The following ERCC8 variants were observed in gnomAD, a reference collection of about 807,000 sequenced individuals.
ERCC8 encodes DNA excision repair protein ERCC-8.
ERCC8 carries 52 observed loss-of-function variants against 54.9 expected under a neutral mutation model. The ratio of observed to expected loss-of-function variants is 0.95; its 90% CI spans 0.76 to 1.19. The LOEUF is 1.19. ERCC8 is among the 50% of genes most tolerant of loss of function. ERCC8 has a pLI of 0.00. For synonymous variants in ERCC8, 146 were observed against 157.2 expected (o/e 0.93, Z 0.53); for missense variants, 514 against 466.1 (o/e 1.10, Z -0.95).
chr5:60,884,276 G>A (rs925364834), intron 11 of ERCC8, among the ~76,000 whole-genome samples: 2 of 151,828 alleles, frequency 1.3e-5, no homozygotes, highest in South Asian at 4.2e-4. Context: ...TCAGGAGATC[G>A]AGACCATCCT....
intron 4 of ERCC8, among the ~76,000 whole-genome samples, chr5:60,905,889 G>A (rs932171836): frequency 3.9e-5 from 6 of 152,220 alleles, no homozygotes; most frequent in East Asian, 3.9e-4. Context: ...GTGGTTAGAT[G>A]ATGAATAGAT....
chr5:60,903,799 A>C lies in ERCC8; in HGVS notation c.482-83T>G, dbSNP rs1748972968. On this transcript the variant is annotated intron_variant, in intron 5 of 11. Transcript: ENST00000676185. ...CAAGACATTATCATTAGTAATCATG[A>C]CATTTTCACTGTATCCATGCAGAAA... 30 of 1,324,628 alleles carry C rather than the reference A, an allele frequency of 2.3e-5. No individual in the cohort carries two copies. In the South Asian group the frequency reaches 3.7e-4, roughly 16 times the overall value. The allele number at this position is 1,324,628 out of a possible 1,614,324, so 82.1% of individuals were successfully genotyped here. A position where few individuals can be genotyped will look rare whatever the true frequency, so the allele number is the denominator to read the frequency against.
At chr5:60,928,541 G>C (rs1749817251) in intron 2 of ERCC8, among the ~76,000 whole-genome samples, 1 of 152,104 alleles carries the variant, frequency 6.6e-6, no homozygotes, top group South Asian at 2.1e-4. Context: ...ACTTTTTTGA[G>C]AGTAGCAACT....
chr5:60,894,414 T>C (rs1748664045), intron 9 of ERCC8, among the ~76,000 whole-genome samples: 1 of 152,244 alleles, frequency 6.6e-6, no homozygotes, highest in Non-Finnish European at 1.5e-5. Flanking sequence ...ATTAACTTTA[T>C]GATTTATATA....
At chr5:60,926,887 A>G (rs1479479769) in intron 2 of ERCC8, among the ~76,000 whole-genome samples, 2 of 152,180 alleles carry the variant, frequency 1.3e-5, no homozygotes, top group South Asian at 2.1e-4. Flanking sequence ...AGATGTTTTG[A>G]CTCTGTTAAA....
chr5:60,880,536 C>T lies in ERCC8; in HGVS notation c.1123-5853G>A, dbSNP rs369049995. Among the ~76,000 whole-genome samples, 971 of 152,226 alleles carry T rather than the reference C, an allele frequency of 6.4e-3. 26 individuals carry two copies. In the South Asian group the frequency reaches 0.078, roughly 12 times the overall value. On this transcript the variant is annotated intron_variant, in intron 11 of 11. Transcript: ENST00000676185. ...GTAGATTTGGTCTTTTCACATAGTCCCATATTTCTTGGAGGCTTTGTTCAT... is the reference window on the plus strand; with the variant it reads ...GTAGATTTGGTCTTTTCACATAGTCTCATATTTCTTGGAGGCTTTGTTCAT...
intron 9 of ERCC8, chr5:60,892,865 C>T: frequency 1.4e-6 from 1 of 696,054 alleles, no homozygotes; most frequent in Non-Finnish European, 2.6e-6. Flanking sequence ...GGCTTTTAAT[C>T]AGGCTGCTTT....
intron 11 of ERCC8, among the ~76,000 whole-genome samples, chr5:60,881,624 T>C (rs13358851): frequency 0.017 from 2,565 of 152,260 alleles, 78 homozygotes; most frequent in African/African-American, 0.06. Context: ...GTGCTAGCAA[T>C]GGGCGAGGCT....
intron 1 of ERCC8, among the ~76,000 whole-genome samples, 182 bp from the exon 2 acceptor site, chr5:60,929,141 T>C (rs1749834605): frequency 6.6e-6 from 1 of 152,196 alleles, no homozygotes; most frequent in African/African-American, 2.4e-5. Context: ...TCAGCAGTAG[T>C]AACAATTACA....
chr5:60,889,529 C>T (rs1748487208), intron 10 of ERCC8, among the ~76,000 whole-genome samples: 1 of 152,136 alleles, frequency 6.6e-6, no homozygotes, highest in South Asian at 2.1e-4. Flanking sequence ...TGGCCTGGAA[C>T]TCCTGGGCTC....
At chr5:60,889,317 T>G (rs1260142033) in intron 10 of ERCC8, among the ~76,000 whole-genome samples, 1 of 152,232 alleles carries the variant, frequency 6.6e-6, no homozygotes, top group Non-Finnish European at 1.5e-5. Flanking sequence ...TTTACTTACT[T>G]ATCCCAGCCT....
chr5:60,894,135 C>T (rs990424879), intron 9 of ERCC8, among the ~76,000 whole-genome samples: 88 of 152,118 alleles, frequency 5.8e-4, no homozygotes, highest in African/African-American at 2.0e-3. Flanking sequence ...CAGGCGACCG[C>T]CACCACGCCC....
intron 1 of ERCC8, among the ~76,000 whole-genome samples, chr5:60,938,026 TAC>T (rs1478053469): frequency 5.6e-5 from 4 of 71,126 alleles, no homozygotes; most frequent in African/African-American, 1.3e-4. Flanking sequence ...TGTGTGTGTA[TAC>T]ATACATACAT....
intron 1 of ERCC8, among the ~76,000 whole-genome samples, chr5:60,937,040 A>G (rs1181359209): frequency 6.6e-6 from 1 of 152,024 alleles, no homozygotes; most frequent in African/African-American, 2.4e-5. Context: ...AGTGATTGTT[A>G]TTTCTCTTTT....
Position 60,869,546 on chromosome 5 carries a change from A to G in ERCC8, c.*5069T>C, listed in dbSNP as rs1168639891. On this transcript the variant is annotated 3_prime_UTR_variant, in exon 12 of 12. Transcript: ENST00000676185. Reference sequence around the variant, plus strand: ...TTAAAGGTTTTAAAATCTATTTTAAATGGGGCTTTTTAGTATAAACTGGAC... The same window carrying G: ...TTAAAGGTTTTAAAATCTATTTTAAGTGGGGCTTTTTAGTATAAACTGGAC... Among the ~76,000 whole-genome samples the G allele has an allele frequency of 6.6e-6, 1 of 152,164 alleles. No homozygotes were observed. The highest frequency in any genetic ancestry group is 1.5e-5 in the Non-Finnish European group (1 of 68,010).
At chr5:60,895,838 T>A (rs1255346324) in intron 9 of ERCC8, among the ~76,000 whole-genome samples, 2 of 152,220 alleles carry the variant, frequency 1.3e-5, no homozygotes, top group Non-Finnish European at 2.9e-5. Context: ...TTATGGTCTT[T>A]CCAGTATACC....
rs1433381644 is a variant in ERCC8, at chr5:60,868,386, T to C, written c.*6229A>G. Among the ~76,000 whole-genome samples the C allele has an allele frequency of 6.6e-6, 1 of 152,170 alleles. No homozygotes were observed. Among genetic ancestry groups the C allele is most frequent in the Admixed American group, 6.5e-5 (1 of 15,278 alleles). On this transcript the variant is annotated 3_prime_UTR_variant, in exon 12 of 12. Coordinates refer to ENST00000676185, the MANE Select transcript of ERCC8 (RefSeq NM_000082.4). ...AATCCACTAGCACAAAGTTTACCAG[T>C]ATCTTCATGAGGAGTGGTCAGTCAA...
chr5:60,928,807 G>T, intron 2 of ERCC8, 57 bp downstream of exon 2: 1 of 949,530 alleles, frequency 1.1e-6, no homozygotes, highest in Non-Finnish European at 1.7e-6. Context: ...TGAAAAAGCA[G>T]GTTTTACTGC....
rs184977825 is a variant in ERCC8 at position 60,872,213 on chromosome 5, A to C, written c.*2402T>G. The stretch of plus-strand genomic sequence containing the variant: ...TGATTTGAAACTATCAGAAGAAAAC[A>C]TGGAGAAAATGCTCCATGACATTGG... On this transcript the variant is annotated 3_prime_UTR_variant, in exon 12 of 12. Transcript: ENST00000676185. Among the ~76,000 whole-genome samples, 5 of 152,222 alleles carry C rather than the reference A, an allele frequency of 3.3e-5. No homozygotes were observed. Among genetic ancestry groups the C allele is most frequent in the African/African-American group, 7.2e-5 (3 of 41,460 alleles).
Sources: allele counts gnomAD v4.1 joint callset (sites outside exome capture counted in the v4.1 genomes callset), GRCh38; gene constraint gnomAD v4.1.1; transcripts MANE v1.5; gene names NCBI Gene and HGNC (gene_info 2026-07-23, HGNC 2026-07-21).